Variants in IKZF2 observed in about 807,000 individuals in gnomAD.
The protein encoded by IKZF2 is IKAROS family zinc finger 2, also known as zinc finger protein Helios.
Under a neutral mutation model 49.2 loss-of-function variants are expected in IKZF2, and 15 were observed. The observed-to-expected ratio is 0.30, with a 90% CI of 0.20 to 0.47. The LOEUF (loss-of-function observed/expected upper bound fraction) is 0.47, where lower values mean the gene tolerates loss of function less well. Ranked by LOEUF, IKZF2 falls within the 20% of genes least tolerant of loss-of-function variation. The pLI is 1.00. For missense variants in IKZF2, 567 were observed against 664.6 expected (o/e 0.85, Z 1.61); for synonymous variants, 227 against 221.4 (o/e 1.03, Z -0.23).
intron 4 of IKZF2, among the ~76,000 whole-genome samples, chr2:213,115,897 T>C (rs557761973): frequency 7.5e-4 from 114 of 151,806 alleles, no homozygotes; most frequent in African/African-American, 2.7e-3. Flanking sequence ...ATTATTACAA[T>C]GTATGGGTGT....
At chr2:213,078,845 C>T (rs1220098638) in intron 4 of IKZF2, among the ~76,000 whole-genome samples, 1 of 152,198 alleles carries the variant, frequency 6.6e-6, no homozygotes, top group Admixed American at 6.5e-5. Context: ...CCCATGTTAA[C>T]CAACTGTGTT....
At chr2:213,022,350 A>T (rs1322991468) in intron 6 of IKZF2, among the ~76,000 whole-genome samples, 2 of 152,194 alleles carry the variant, frequency 1.3e-5, no homozygotes, top group African/African-American at 4.8e-5. Flanking sequence ...CAGGGGAAAT[A>T]CTGAATCAAA....
At chr2:213,020,201 C>T (rs905521645) in intron 7 of IKZF2, among the ~76,000 whole-genome samples, 4 of 152,134 alleles carry the variant, frequency 2.6e-5, no homozygotes, top group Admixed American at 6.6e-5. Flanking sequence ...TCAATTTACC[C>T]TTAAATCCAT....
intron 8 of IKZF2, among the ~76,000 whole-genome samples, chr2:213,010,406 G>A (rs1361316580): frequency 1.3e-5 from 2 of 152,030 alleles, no homozygotes; most frequent in African/African-American, 4.8e-5. Context: ...CATGTTTAGG[G>A]AGCCCTGGGC....
intron 6 of IKZF2, among the ~76,000 whole-genome samples, chr2:213,049,490 A>C (rs566077146): frequency 2.0e-5 from 3 of 152,124 alleles, no homozygotes; most frequent in Non-Finnish European, 4.4e-5. Context: ...ATATTGAAGT[A>C]AGATACTCTT....
chr2:213,027,545 AC>A (rs1407022803), intron 6 of IKZF2, among the ~76,000 whole-genome samples: 5 of 151,906 alleles, frequency 3.3e-5, no homozygotes, highest in Non-Finnish European at 7.4e-5. Flanking sequence ...AACCATTGGC[AC>A]CCCTTTCTCC....
intron 4 of IKZF2, among the ~76,000 whole-genome samples, chr2:213,069,225 A>C (rs1052334139): frequency 1.4e-4 from 22 of 152,062 alleles, no homozygotes; most frequent in African/African-American, 5.1e-4. Flanking sequence ...TGCCTAGCCT[A>C]GTGATACCAG....
At chr2:213,146,759 C>CG (rs57884895) in intron 4 of IKZF2, among the ~76,000 whole-genome samples, 51,011 of 86,818 alleles carry the variant, frequency 0.59, 17,078 homozygotes, top group Middle Eastern at 0.74. Flanking sequence ...ATTAAATCTT[C>CG]GGGGGGGGGG....
intron 6 of IKZF2, among the ~76,000 whole-genome samples, chr2:213,046,659 CA>C (rs1700179547): frequency 6.6e-6 from 1 of 152,110 alleles, no homozygotes; most frequent in African/African-American, 2.4e-5. Context: ...CTTCAAAGAA[CA>C]AAATTGGACG....
intron 4 of IKZF2, among the ~76,000 whole-genome samples, chr2:213,073,921 C>A (rs1702974641): frequency 6.6e-6 from 1 of 152,160 alleles, no homozygotes; most frequent in South Asian, 2.1e-4. Context: ...AAACTTGTAC[C>A]TATTTGACCC....
At chr2:213,145,706 C>G (rs773504999) in intron 4 of IKZF2, among the ~76,000 whole-genome samples, 28 of 151,996 alleles carry the variant, frequency 1.8e-4, no homozygotes, top group Non-Finnish European at 3.1e-4. Flanking sequence ...TAAATAGAGG[C>G]TACATAAAGG....
chr2:213,089,597 C>T (rs1248020960), intron 4 of IKZF2, among the ~76,000 whole-genome samples: 1 of 152,160 alleles, frequency 6.6e-6, no homozygotes, highest in Non-Finnish European at 1.5e-5. Context: ...AGAAAATCCA[C>T]TGCTTTTGTA....
At chr2:213,121,618 A>C (rs890487734) in intron 4 of IKZF2, among the ~76,000 whole-genome samples, 2 of 152,348 alleles carry the variant, frequency 1.3e-5, no homozygotes, top group African/African-American at 4.8e-5. Flanking sequence ...CCCCTGGCAT[A>C]TTACAACTTG....
At chr2:213,149,167 C>G (rs1474244135) in intron 2 of IKZF2, among the ~76,000 whole-genome samples, 1 of 152,154 alleles carries the variant, frequency 6.6e-6, no homozygotes, top group Non-Finnish European at 1.5e-5. Context: ...AAGATTTCTA[C>G]AGCAGTTGGC....
At chr2:213,147,448 C>G in intron 4 of IKZF2, 1 of 565,154 alleles carries the variant, frequency 1.8e-6, no homozygotes, top group South Asian at 2.5e-5. Flanking sequence ...AAACAACAAC[C>G]AGCAAATTCT....
chr2:213,078,897 T>C (rs1333865953), intron 4 of IKZF2, among the ~76,000 whole-genome samples: 2 of 152,214 alleles, frequency 1.3e-5, no homozygotes, highest in Non-Finnish European at 2.9e-5. Flanking sequence ...TCCAAACCTA[T>C]GAGAAACAAT....
At position 213,007,537 on chromosome 2, in the gene IKZF2, A is replaced by C. The variant is rs142270469; in HGVS notation, c.1404T>G (p.Ile468Met). The C allele has an allele frequency of 1.0e-4, 164 of 1,613,682 alleles. No homozygotes were observed. In the African/African-American group the frequency reaches 1.5e-3, roughly 15 times the overall value. The change falls in exon 9 of 9, where the codon ATT becomes ATG. Residue 468 changes from isoleucine to methionine, a missense_variant. Transcript: ENST00000434687. Reference protein sequence around the residue: ...YKVFNGEGEQIRAFKCEHCRV... With the variant: ...YKVFNGEGEQMRAFKCEHCRV... ...GGCAGTGCTCACACTTGAAGGCCCTAATCTGTTCTCCTTCTCCATTGAAGA... is the reference window on the plus strand; with the variant it reads ...GGCAGTGCTCACACTTGAAGGCCCTCATCTGTTCTCCTTCTCCATTGAAGA...
chr2:213,016,288 C>T (rs1188421484), intron 7 of IKZF2, among the ~76,000 whole-genome samples: 1 of 152,090 alleles, frequency 6.6e-6, no homozygotes, highest in Non-Finnish European at 1.5e-5. Context: ...GTAATTTCCT[C>T]AGGGTTTACA....
intron 4 of IKZF2, among the ~76,000 whole-genome samples, chr2:213,135,100 T>G (rs16849839): frequency 6.6e-6 from 1 of 152,174 alleles, no homozygotes; most frequent in South Asian, 2.1e-4. Context: ...ATAGTTTTAA[T>G]GTAAAAAATT....
Sources: gnomAD v4.1 joint callset for allele counts (sites outside exome capture counted in the v4.1 genomes callset) on GRCh38, gnomAD v4.1.1 for gene constraint, MANE v1.5 for transcripts, NCBI Gene and HGNC (gene_info 2026-07-23, HGNC 2026-07-21) for gene names.